The following SMG1 variants were observed in gnomAD, a reference collection of about 807,000 sequenced individuals.
SMG1 encodes serine/threonine-protein kinase SMG1.
Under a neutral mutation model 419.9 loss-of-function variants are expected in SMG1, and 22 were observed. The ratio of observed to expected loss-of-function variants is 0.05; its 90% CI spans 0.04 to 0.07. The LOEUF is 0.07. Among genes scored for constraint, SMG1 ranks in the 10% least tolerant of loss-of-function variants. The pLI is 1.00. For missense variants in SMG1, 3,185 were observed against 4,342.0 expected, an observed-to-expected ratio of 0.73 and a Z score of 7.49; for synonymous variants, 1,538 against 1,553.5, an observed-to-expected ratio of 0.99 and a Z score of 0.23.
At chr16:18,819,461 G>A (rs746401619) in intron 56 of SMG1, 41 bp downstream of exon 56, 63 of 1,592,596 alleles carry the variant, frequency 4.0e-5, no homozygotes, top group Middle Eastern at 1.7e-4. Context: ...ATCTAATCCT[G>A]TAAAAGTGAA....
At position 18,850,272 on chromosome 16, in the gene SMG1, C is replaced by T. The variant is rs746463406; in HGVS notation, c.5248G>A (p.Ala1750Thr). The T allele has an allele frequency of 5.0e-6, 8 of 1,612,484 alleles. No individual in the cohort carries two copies. In the East Asian group the frequency reaches 1.3e-4, roughly 27 times the overall value. The change falls in exon 34 of 63, where the codon GCA becomes ACA. Residue 1750 changes from alanine to threonine, a missense_variant. By Grantham distance (58) the Ala-to-Thr change is moderately conservative (BLOSUM62 0). This residue lies in a region of SMG1 where 493 missense variants were observed against 552.9 expected (regional missense o/e 0.89). Transcript: ENST00000446231. ...IFSLYKLSCS[A>T]YFTFLKLNAG... The stretch of plus-strand genomic sequence containing the variant: ...TTGAGTTTAAGGAAAGTAAAGTATG[C>T]ACTGCAAGAGAGTTTGTACAGGCTG...
At chr16:18,817,554 T>G in intron 56 of SMG1, 84 bp from the exon 57 acceptor site, 1 of 1,107,400 alleles carries the variant, frequency 9.0e-7, no homozygotes, top group Non-Finnish European at 1.3e-6. Context: ...GAAAAAATAC[T>G]ACTTCCTCAT....
chr16:18,833,940 T>TA (rs2033378320), intron 50 of SMG1, among the ~76,000 whole-genome samples: 1 of 152,254 alleles, frequency 6.6e-6, no homozygotes, highest in African/African-American at 2.4e-5. Flanking sequence ...TATGTGGATG[T>TA]ACCATATTTG....
chr16:18,865,157 C>A (rs576315733), intron 23 of SMG1, among the ~76,000 whole-genome samples: 29 of 152,204 alleles, frequency 1.9e-4, no homozygotes, highest in African/African-American at 6.0e-4. Context: ...CATAAAATTT[C>A]ACAGATTAAC....
chr16:18,835,337 T>C (rs1447548407), intron 48 of SMG1, among the ~76,000 whole-genome samples, 173 bp from the exon 49 acceptor site: 1 of 152,186 alleles, frequency 6.6e-6, no homozygotes, highest in Non-Finnish European at 1.5e-5. Context: ...TGTTGATGAC[T>C]GTGACAGAAT....
Position 18,860,702 on chromosome 16 carries a change from A to G in SMG1, c.3770T>C (p.Ile1257Thr), listed in dbSNP as rs949805197. Reference protein sequence around the residue: ...EQLELLPGENINLLAGGSKEK... With the variant: ...EQLELLPGENTNLLAGGSKEK... ...TTTTGATCCTCCAGCAAGTAGATTG[A>G]TATTTTCTCCTGGTAACAATTCTAA... The change falls in exon 26 of 63, where the codon ATC (isoleucine) becomes ACC (threonine). Residue 1257 changes from isoleucine to threonine, a missense_variant. Ile to Thr is a moderately conservative substitution (Grantham distance 89, BLOSUM62 -1). Coordinates refer to ENST00000446231, the MANE Select transcript of SMG1 (RefSeq NM_015092.5). 4 of 1,558,316 alleles carry G rather than the reference A, an allele frequency of 2.6e-6. No homozygotes were observed. Among genetic ancestry groups the G allele is most frequent in the Admixed American group, 3.4e-5 (2 of 58,208 alleles).
chr16:18,909,783 C>T (rs532583829), intron 1 of SMG1, among the ~76,000 whole-genome samples: 57 of 152,222 alleles, frequency 3.7e-4, no homozygotes, highest in African/African-American at 1.2e-3. Context: ...AACGATGCTC[C>T]CACCATGCTC....
intron 1 of SMG1, among the ~76,000 whole-genome samples, chr16:18,908,237 G>A (rs868129813): frequency 6.6e-6 from 1 of 151,156 alleles, no homozygotes; most frequent in Non-Finnish European, 1.5e-5. Context: ...GCGTGGTGGT[G>A]CACATCTGTA....
In SMG1 at chr16:18,811,155, T is replaced by C. The variant is rs1232901255; in HGVS notation, c.10908+606A>G. Among the ~76,000 whole-genome samples, 7 of 152,190 alleles carry C rather than the reference T, an allele frequency of 4.6e-5. No homozygotes were observed. The East Asian group carries it at 1.3e-3, about 29-fold the overall frequency. Reference sequence around the variant, plus strand: ...TTAGATTTTGGATTCTTTGAGATTTTGGAATATATACATGTATATAATGAG... The same window carrying C: ...TTAGATTTTGGATTCTTTGAGATTTCGGAATATATACATGTATATAATGAG... On this transcript the variant is annotated intron_variant, in intron 62 of 62. Transcript: ENST00000446231.
chr16:18,859,686 G>C lies in SMG1; in HGVS notation c.3823C>G (p.Pro1275Ala), dbSNP rs757251008. The change falls in exon 27 of 63, where the codon CCT becomes GCT. Residue 1275 changes from proline (P) to alanine (A), a missense_variant. Around this residue, in one of 27 missense-constraint regions of SMG1, gnomAD observed 120 missense variants for 193.3 expected, o/e 0.62. Transcript: ENST00000446231. ...CTCGGATCCGGACTTAACATGTTAG[G>C]AAGCAGTTTTTTCATGTCTACCAAA... is the stretch of plus-strand genomic sequence containing the variant. ...KEKIDMKKLL[P>A]NMLSPDPREL... The C allele has an allele frequency of 7.5e-6, 12 of 1,603,382 alleles. No individual in the cohort carries two copies. Among genetic ancestry groups the C allele is most frequent in the Non-Finnish European group, 1.0e-5 (12 of 1,175,082 alleles).
At chr16:18,856,945 G>C (rs2034948792) in intron 29 of SMG1, 1 of 151,806 alleles carries the variant, frequency 6.6e-6, no homozygotes, top group Non-Finnish European at 1.5e-5. Context: ...TCTGTGCTAG[G>C]ACTTTTATAT....
In SMG1 at chr16:18,882,208, C is replaced by A; in HGVS notation, c.1250G>T (p.Ser417Ile). 2 of 1,599,942 alleles carry A rather than the reference C, an allele frequency of 1.3e-6. No individual in the cohort carries two copies. The highest frequency in any genetic ancestry group is 3.5e-5 in the Admixed American group (2 of 57,924). ...TVVRSIGERFSPIRGPPITEA... is the reference protein window; with the variant it reads ...TVVRSIGERFIPIRGPPITEA... ...AGTAATTGGAGGACCCCGAATTGGGCTGAAGCGTTCCCCAATGCTCCTCAC... is the reference window on the plus strand; with the variant it reads ...AGTAATTGGAGGACCCCGAATTGGGATGAAGCGTTCCCCAATGCTCCTCAC... Residue 417 changes from serine to isoleucine, a missense_variant, in exon 10 of 63, where the codon AGC (serine) becomes ATC (isoleucine). Transcript: ENST00000446231.
chr16:18,846,683 A>G (rs1272873817), intron 38 of SMG1, among the ~76,000 whole-genome samples: 2 of 152,230 alleles, frequency 1.3e-5, no homozygotes, highest in East Asian at 1.9e-4. Context: ...ACCACTTCGC[A>G]TCCATCACAA....
chr16:18,843,559 C>A (rs2034048578), intron 39 of SMG1, among the ~76,000 whole-genome samples: 1 of 152,126 alleles, frequency 6.6e-6, no homozygotes, highest in African/African-American at 2.4e-5. Flanking sequence ...GGAAACACCC[C>A]AAGTGCCCAA....
At chr16:18,897,441 G>A (rs926927250) in intron 1 of SMG1, among the ~76,000 whole-genome samples, 1 of 152,146 alleles carries the variant, frequency 6.6e-6, no homozygotes, top group Non-Finnish European at 1.5e-5. Context: ...GTCTTACCAA[G>A]TTATTTTCTA....
At position 18,889,392 on chromosome 16, in the gene SMG1, C is replaced by G; in HGVS notation, c.802G>C (p.Ala268Pro). 1 of 589,674 alleles carries G rather than the reference C, an allele frequency of 1.7e-6. No individual in the cohort carries two copies. Among genetic ancestry groups the G allele is most frequent in the Non-Finnish European group, 3.0e-6 (1 of 337,256 alleles). The allele number at this position is 589,674 out of a possible 1,614,324, so 36.5% of individuals were successfully genotyped here. ...CTTACCTGCATTACAGATGAAAAGG[C>G]TTTCTTTTCTCCTACAGTCTCTAGT... ...KALETVGEKK[A>P]FSSVMQLVMT... Residue 268 changes from alanine (A) to proline (P), a missense_variant, in exon 6 of 63, where the codon GCC becomes CCC. Transcript: ENST00000446231.
At chr16:18,877,418 G>T in intron 11 of SMG1, 186 bp from the exon 12 acceptor site, 1 of 449,336 alleles carries the variant, frequency 2.2e-6, no homozygotes, top group Non-Finnish European at 4.1e-6. Context: ...GATTGCCATG[G>T]GCTTAAGATG....
chr16:18,838,924 CACAA>C (rs952649572), intron 42 of SMG1, among the ~76,000 whole-genome samples: 43 of 152,226 alleles, frequency 2.8e-4, no homozygotes, highest in Admixed American at 1.4e-3. Context: ...TTAAAAAAAA[CACAA>C]ACAAACAAAC....
At chr16:18,863,578 TA>T in intron 25 of SMG1, 71 bp downstream of exon 25, 1 of 1,352,602 alleles carries the variant, frequency 7.4e-7, no homozygotes, top group Non-Finnish European at 1.0e-6. Flanking sequence ...CCAATTTTAA[TA>T]TTTTCTTGCC....
Sources: allele counts gnomAD v4.1 joint callset (sites outside exome capture counted in the v4.1 genomes callset), GRCh38; gene constraint gnomAD v4.1.1; regional missense constraint gnomAD v4.1.1; transcripts MANE v1.5; gene names NCBI Gene and HGNC (gene_info 2026-07-23, HGNC 2026-07-21).